The following KIAA1217 variants were observed in gnomAD, a reference collection of about 807,000 sequenced individuals.
KIAA1217 encodes KIAA1217, also known as sickle tail protein homolog.
Under a neutral mutation model 163.9 loss-of-function variants are expected in KIAA1217, and 88 were observed. The ratio of observed to expected loss-of-function variants is 0.54; its 90% CI spans 0.45 to 0.64. The LOEUF (loss-of-function observed/expected upper bound fraction) is 0.64. Among genes scored for constraint, KIAA1217 ranks in the 30% least tolerant of loss-of-function variants. The probability of loss-of-function intolerance (pLI) is 0.00; values close to 1 mark genes in which losing one functional copy is unlikely to be tolerated. For synonymous variants in KIAA1217, 903 were observed against 923.1 expected (o/e 0.98, Z 0.39); for missense variants, 2,372 against 2,475.0 (o/e 0.96, Z 0.88).
intron 2 of KIAA1217, among the ~76,000 whole-genome samples, chr10:24,152,724 C>G (rs2064676757): frequency 7.6e-6 from 1 of 131,610 alleles, no homozygotes; most frequent in Non-Finnish European, 1.7e-5. Context: ...TTTCTATTCC[C>G]TTAAAAAAAA....
intron 17 of KIAA1217, 176 bp from the exon 18 acceptor site, chr10:24,542,517 G>C (rs1342243981): frequency 1.5e-5 from 22 of 1,422,202 alleles, no homozygotes; most frequent in Non-Finnish European, 1.9e-5. Flanking sequence ...GGCATTTTTG[G>C]CAGTTGGAGA....
rs533877060 is a variant in KIAA1217, at chr10:24,465,179, A to G, written c.847-8049A>G. 3.3e-3 allele frequency among the ~76,000 whole-genome samples: 374 copies of G among 114,244 alleles called. 2 individuals are homozygous for G. Among genetic ancestry groups the G allele is most frequent in the Non-Finnish European group, 5.7e-3 (290 of 50,776 alleles). The allele number at this position is 114,244 out of a possible 152,430, so 74.9% of individuals were successfully genotyped here. On this transcript the variant is annotated intron_variant, in intron 5 of 20. Coordinates refer to ENST00000376454, the MANE Select transcript of KIAA1217 (RefSeq NM_019590.5). ...GCCTCCCATACTCTGGTGAGAAATA[A>G]CAAACCCTTGCTGATTAGATTAAAA...
intron 2 of KIAA1217, among the ~76,000 whole-genome samples, chr10:24,021,552 A>G (rs1317791389): frequency 4.6e-5 from 7 of 152,016 alleles, no homozygotes; most frequent in Admixed American, 2.0e-4. Flanking sequence ...GTGTAATACC[A>G]ATGCAAATCC....
intron 1 of KIAA1217, among the ~76,000 whole-genome samples, chr10:23,883,090 G>A (rs985180302): frequency 2.0e-5 from 3 of 151,970 alleles, no homozygotes; most frequent in South Asian, 4.2e-4. Context: ...AGGATCAAAG[G>A]TAGGGATAGA....
At chr10:24,389,088 A>G (rs1309244643) in intron 3 of KIAA1217, among the ~76,000 whole-genome samples, 1 of 152,166 alleles carries the variant, frequency 6.6e-6, no homozygotes, top group Non-Finnish European at 1.5e-5. Flanking sequence ...TCATGCTGCT[A>G]TAAACACACA....
At chr10:23,948,373 C>T (rs1844156552) in intron 1 of KIAA1217, among the ~76,000 whole-genome samples, 1 of 152,178 alleles carries the variant, frequency 6.6e-6, no homozygotes, top group Non-Finnish European at 1.5e-5. Context: ...TGAGCATCTG[C>T]TTACCAGGGT....
intron 2 of KIAA1217, among the ~76,000 whole-genome samples, chr10:24,350,561 A>G (rs1255459672): frequency 6.6e-6 from 1 of 152,244 alleles, no homozygotes; most frequent in Non-Finnish European, 1.5e-5. Context: ...AAGCCATAAA[A>G]CATCAGTAAT....
intron 2 of KIAA1217, among the ~76,000 whole-genome samples, chr10:24,284,852 G>A (rs983965050): frequency 2.0e-5 from 3 of 152,110 alleles, no homozygotes; most frequent in Admixed American, 6.6e-5. Context: ...TTTCCAATCC[G>A]ACCAACAGTA....
At chr10:23,773,911 A>T (rs1588770515) in intron 1 of KIAA1217, among the ~76,000 whole-genome samples, 1 of 152,030 alleles carries the variant, frequency 6.6e-6, no homozygotes, top group Non-Finnish European at 1.5e-5. Flanking sequence ...GCAAACAGGG[A>T]CAATTTGACT....
intron 5 of KIAA1217, among the ~76,000 whole-genome samples, chr10:24,467,978 C>T (rs2063128595): frequency 6.6e-6 from 1 of 152,160 alleles, no homozygotes. Flanking sequence ...AAAACCAAAA[C>T]AAAATAAATC....
chr10:24,449,286 T>C (rs1238744170), intron 5 of KIAA1217: 2 of 178,768 alleles, frequency 1.1e-5, no homozygotes, highest in Non-Finnish European at 2.2e-5. Context: ...ACAAATCTCA[T>C]CTTTCCTGCT....
chr10:23,971,696 G>A (rs1471720550), intron 1 of KIAA1217, among the ~76,000 whole-genome samples: 2 of 152,132 alleles, frequency 1.3e-5, no homozygotes, highest in Non-Finnish European at 2.9e-5. Context: ...TTTTGAAATG[G>A]TCCTGCAAAG....
intron 1 of KIAA1217, among the ~76,000 whole-genome samples, chr10:23,964,055 A>G (rs555426229): frequency 6.6e-6 from 1 of 151,922 alleles, no homozygotes; most frequent in African/African-American, 2.4e-5. Context: ...CACCACGCTC[A>G]GCTAATTTTT....
chr10:24,396,316 G>A (rs913744628), intron 3 of KIAA1217, among the ~76,000 whole-genome samples: 6 of 151,876 alleles, frequency 4.0e-5, no homozygotes, highest in African/African-American at 1.5e-4. Context: ...CAGCCTGGGC[G>A]ACAGAGTGAG....
intron 2 of KIAA1217, among the ~76,000 whole-genome samples, chr10:24,332,001 A>G (rs1463055739): frequency 1.3e-5 from 2 of 152,168 alleles, no homozygotes; most frequent in Non-Finnish European, 2.9e-5. Flanking sequence ...GGGTTTCACC[A>G]TGTTGGCCAG....
intron 3 of KIAA1217, among the ~76,000 whole-genome samples, chr10:24,396,506 CAGG>C (rs1380169254): frequency 6.6e-6 from 1 of 151,934 alleles, no homozygotes; most frequent in Non-Finnish European, 1.5e-5. Flanking sequence ...AAAAATAAAG[CAGG>C]AGAAGGGATA....
chr10:23,950,012 C>A (rs1241510759), intron 1 of KIAA1217, among the ~76,000 whole-genome samples: 1 of 152,152 alleles, frequency 6.6e-6, no homozygotes, highest in East Asian at 1.9e-4. Context: ...TCATCTCAAG[C>A]GTAGATTAAT....
chr10:24,524,611 C>A lies in KIAA1217; in HGVS notation c.2745C>A (p.Ser915Arg), dbSNP rs147067816. The A allele has an allele frequency of 6.2e-7, 1 of 1,614,086 alleles. No homozygotes were observed. Among genetic ancestry groups the A allele is most frequent in the Admixed American group, 1.7e-5 (1 of 60,026 alleles). The change falls in exon 13 of 21, where the codon AGC becomes AGA. Residue 915 changes from serine to arginine, a missense_variant. This residue lies in a region of KIAA1217 where 1,431 missense variants were observed against 1,470.3 expected (regional missense o/e 0.97). Transcript: ENST00000376454. ...CTCAGAACTTGCCTCACGTGGCCAG[C>A]TCCCCAGCCGTCCCCCAGGAAGCAA... ...NPAQNLPHVASSPAVPQEATS... is the reference protein window; with the variant it reads ...NPAQNLPHVARSPAVPQEATS...
At chr10:24,286,495 C>T (rs1002109950) in intron 2 of KIAA1217, among the ~76,000 whole-genome samples, 9 of 151,872 alleles carry the variant, frequency 5.9e-5, no homozygotes, top group African/African-American at 2.2e-4. Flanking sequence ...CACACATACA[C>T]ACAATCACTC....
Sources: gnomAD v4.1 joint callset for allele counts (sites outside exome capture counted in the v4.1 genomes callset) on GRCh38, gnomAD v4.1.1 for gene constraint, gnomAD v4.1.1 regional missense constraint, MANE v1.5 for transcripts, NCBI Gene and HGNC (gene_info 2026-07-23, HGNC 2026-07-21) for gene names.